KIFAP3: variants seen among roughly 807,000 people sequenced by gnomAD.
KIFAP3 encodes the protein kinesin-associated protein 3.
A neutral mutation model predicts 106.5 loss-of-function variants in KIFAP3; 68 were observed. That is an observed-to-expected ratio of 0.64 (90% CI 0.53 to 0.78). KIFAP3 has a LOEUF of 0.78. Among genes scored for constraint, KIFAP3 ranks in the 30% least tolerant of loss-of-function variants. KIFAP3 has a pLI of 0.00. For missense variants in KIFAP3, 780 were observed against 941.8 expected (o/e 0.83, Z 2.25); for synonymous variants, 320 against 311.5 (o/e 1.03, Z -0.29).
At chr1:170,031,812 G>T in intron 8 of KIFAP3, 74 bp downstream of exon 8, 1 of 910,308 alleles carries the variant, frequency 1.1e-6, no homozygotes, top group Non-Finnish European at 1.8e-6. Context: ...TTACAGGTAT[G>T]ATAAAAAGTG....
upstream of KIFAP3, among the ~76,000 whole-genome samples, chr1:170,079,595 T>A (rs751659964): frequency 1.3e-5 from 2 of 152,312 alleles, no homozygotes; most frequent in South Asian, 2.1e-4. Flanking sequence ...GGTTTACTTC[T>A]GGGTTCTCTA....
At chr1:169,962,914 G>A (rs1417973728) in intron 17 of KIFAP3, among the ~76,000 whole-genome samples, 1 of 152,078 alleles carries the variant, frequency 6.6e-6, no homozygotes, top group Non-Finnish European at 1.5e-5. Flanking sequence ...CTATAGTAAT[G>A]CTAGTGACAA....
intron 11 of KIFAP3, among the ~76,000 whole-genome samples, chr1:169,987,668 C>G (rs1055560459): frequency 6.6e-6 from 1 of 152,008 alleles, no homozygotes; most frequent in Non-Finnish European, 1.5e-5. Context: ...GCATGTAGAT[C>G]AAAGGGGGCC....
intron 17 of KIFAP3, among the ~76,000 whole-genome samples, chr1:169,967,553 T>C (rs990166486): frequency 6.6e-6 from 1 of 151,878 alleles, no homozygotes; most frequent in African/African-American, 2.4e-5. Flanking sequence ...GCTCTGGTTC[T>C]AGCTCTGCTA....
chr1:169,991,880 A>G (rs1329795717), intron 11 of KIFAP3, among the ~76,000 whole-genome samples: 1 of 152,100 alleles, frequency 6.6e-6, no homozygotes, highest in Admixed American at 6.5e-5. Context: ...AGCAATATGT[A>G]AATATTACAT....
At chr1:169,923,043 G>A in intron 19 of KIFAP3, 1 of 976,240 alleles carries the variant, frequency 1.0e-6, no homozygotes, top group Non-Finnish European at 1.2e-6. Context: ...AATGTAAAGA[G>A]CCAAAATACA....
intron 17 of KIFAP3, among the ~76,000 whole-genome samples, chr1:169,971,367 C>G (rs1010363744): frequency 1.3e-5 from 2 of 151,980 alleles, no homozygotes; most frequent in Non-Finnish European, 2.9e-5. Flanking sequence ...AAATTATTCT[C>G]TAGGCACATT....
intron 3 of KIFAP3, chr1:170,041,831 C>A: frequency 1.4e-6 from 2 of 1,449,230 alleles, no homozygotes; most frequent in South Asian, 1.4e-5. Context: ...TCCTGCTGAC[C>A]CTTCCCAATC....
intron 16 of KIFAP3, among the ~76,000 whole-genome samples, chr1:169,975,587 T>C (rs1666181771): frequency 3.3e-5 from 5 of 152,032 alleles, no homozygotes; most frequent in Admixed American, 3.3e-4. Flanking sequence ...TTTTTTCAAC[T>C]CCAAAACATT....
chr1:169,965,683 CAAAG>C (rs1483979310), intron 17 of KIFAP3, among the ~76,000 whole-genome samples: 1 of 151,928 alleles, frequency 6.6e-6, no homozygotes, highest in Non-Finnish European at 1.5e-5. Flanking sequence ...AAATGTGTAA[CAAAG>C]AAGTTTCTTC....
intron 17 of KIFAP3, among the ~76,000 whole-genome samples, chr1:169,965,237 A>C (rs1225465221): frequency 6.6e-6 from 1 of 152,146 alleles, no homozygotes. Context: ...GGGAAGAGGC[A>C]TAAAACTAAT....
Position 170,031,873 on chromosome 1 carries a change from T to G in KIFAP3, c.841+13A>C. ...GTACTTTGTTGCTTTCCTCATTGCT[T>G]AGGAATTCATACCTCGTAATAGCTG... On this transcript the variant is annotated intron_variant, in intron 8 of 19. Coordinates refer to ENST00000361580, the MANE Select transcript of KIFAP3 (RefSeq NM_014970.4). 1 of 1,543,930 alleles carries G rather than the reference T, an allele frequency of 6.5e-7. No homozygotes were observed. Among genetic ancestry groups the G allele is most frequent in the Non-Finnish European group, 8.9e-7 (1 of 1,118,308 alleles).
chr1:170,046,746 A>G lies in KIFAP3; in HGVS notation c.285T>C (p.Tyr95=), dbSNP rs755066352. Residue 95 remains tyrosine, a synonymous_variant, in exon 3 of 20, where the codon TAT becomes TAC. Coordinates refer to ENST00000361580, the MANE Select transcript of KIFAP3 (RefSeq NM_014970.4). ...ACAATGAATCACGGCGGTTCTGTAG[A>G]TAGTACAACAGCTGTTCTACCTCAT... ...KLNEVEQLLY[Y]LQNRRDSLSG... is the part of the protein sequence containing the mutation. 1 of 1,596,348 alleles carries G rather than the reference A, an allele frequency of 6.3e-7. No individual in the cohort carries two copies. The highest frequency in any genetic ancestry group is 1.1e-5 in the South Asian group (1 of 87,882).
chr1:169,926,158 G>C (rs1558167288), intron 19 of KIFAP3, among the ~76,000 whole-genome samples: 1 of 152,138 alleles, frequency 6.6e-6, no homozygotes, highest in Non-Finnish European at 1.5e-5. Context: ...ACTTTGTCAA[G>C]GCAGTTCATT....
At chr1:170,062,028 G>C (rs557195143) in intron 1 of KIFAP3, among the ~76,000 whole-genome samples, 26 of 152,166 alleles carry the variant, frequency 1.7e-4, no homozygotes, top group Middle Eastern at 3.4e-3. Context: ...TGGGGAGAGG[G>C]GGGAGGGATA....
chr1:170,067,645 A>T (rs930253621), intron 1 of KIFAP3: 3 of 152,226 alleles, frequency 2.0e-5, no homozygotes, highest in Non-Finnish European at 2.9e-5. Flanking sequence ...CAACTGACTG[A>T]AGTTTCCTTT....
intron 11 of KIFAP3, among the ~76,000 whole-genome samples, chr1:169,990,597 T>C (rs1667043832): frequency 6.6e-6 from 1 of 152,128 alleles, no homozygotes; most frequent in Non-Finnish European, 1.5e-5. Context: ...ATAATCATAA[T>C]TCAAATTAGT....
intron 1 of KIFAP3, among the ~76,000 whole-genome samples, chr1:170,079,796 T>C (rs558192975): frequency 3.8e-4 from 58 of 152,164 alleles, no homozygotes; most frequent in African/African-American, 1.4e-3. Context: ...TTAATATTTC[T>C]ATTAAAAGAA....
rs1010234068 is a variant in KIFAP3, at chr1:170,046,733, G to A, written c.298C>T (p.Arg100Cys). 1.1e-5 allele frequency: 18 copies of A among 1,569,308 alleles called. No homozygotes were observed. Among genetic ancestry groups the A allele is most frequent in the East Asian group, 7.1e-5 (3 of 42,398 alleles). Residue 100 changes from arginine (R) to cysteine (C), a missense_variant, in exon 3 of 20, where the codon CGT (arginine) becomes TGT (cysteine). By Grantham distance (180) the Arg-to-Cys change is radical (BLOSUM62 -3). Coordinates refer to ENST00000361580, the MANE Select transcript of KIFAP3 (RefSeq NM_014970.4). ...EQLLYYLQNR[R>C]DSLSGKEKKE... Reference sequence around the variant, plus strand: ...TTACCTTTTCCTGACAATGAATCACGGCGGTTCTGTAGATAGTACAACAGC... The same window carrying A: ...TTACCTTTTCCTGACAATGAATCACAGCGGTTCTGTAGATAGTACAACAGC...
Sources: allele counts gnomAD v4.1 joint callset (sites outside exome capture counted in the v4.1 genomes callset), GRCh38; gene constraint gnomAD v4.1.1; transcripts MANE v1.5; gene names NCBI Gene and HGNC (gene_info 2026-07-23, HGNC 2026-07-21).